TSPAN18: variants seen among roughly 807,000 people sequenced by gnomAD.
The protein encoded by TSPAN18 is tetraspanin 18.
Under a neutral mutation model 27.3 loss-of-function variants are expected in TSPAN18, and 14 were observed. That is an observed-to-expected ratio of 0.51 (90% confidence interval 0.34 to 0.80). TSPAN18 has a LOEUF of 0.80. Ranked by LOEUF, TSPAN18 falls within the 30% of genes least tolerant of loss-of-function variation. TSPAN18 has a pLI of 0.01. For synonymous variants in TSPAN18, 143 were observed against 136.5 expected (o/e 1.05, Z -0.33); for missense variants, 268 against 323.9 (o/e 0.83, Z 1.32).
At chr11:44,906,228 G>C (rs759942844) in intron 3 of TSPAN18, among the ~76,000 whole-genome samples, 179 bp from the exon 4 acceptor site, 3 of 152,226 alleles carry the variant, frequency 2.0e-5, no homozygotes, top group Non-Finnish European at 4.4e-5. Flanking sequence ...ATGAAAGCTA[G>C]AGCCAAGGCT....
chr11:44,819,163 G>A (rs1856874920), intron 2 of TSPAN18, among the ~76,000 whole-genome samples: 2 of 152,170 alleles, frequency 1.3e-5, no homozygotes, highest in South Asian at 4.1e-4. Flanking sequence ...CTTCAGGCGG[G>A]CTCTTCTCTG....
intron 2 of TSPAN18, among the ~76,000 whole-genome samples, chr11:44,766,971 C>T (rs1855582204): frequency 6.6e-6 from 1 of 152,130 alleles, no homozygotes; most frequent in African/African-American, 2.4e-5. Flanking sequence ...ATGGGAAGCC[C>T]CTGTTTGCTT....
chr11:44,896,307 C>G (rs947288077), intron 3 of TSPAN18, among the ~76,000 whole-genome samples: 2 of 152,166 alleles, frequency 1.3e-5, no homozygotes, highest in African/African-American at 4.8e-5. Context: ...AGTTTGGATT[C>G]CAGCCCCATC....
intron 1 of TSPAN18, among the ~76,000 whole-genome samples, chr11:44,728,410 C>G (rs80113215): frequency 0.026 from 3,945 of 152,218 alleles, 67 homozygotes; most frequent in Middle Eastern, 0.044. Flanking sequence ...TGCATGCACC[C>G]TTTTTGTAAA....
At chr11:44,886,978 C>T (rs1223058186) in intron 3 of TSPAN18, among the ~76,000 whole-genome samples, 1 of 152,056 alleles carries the variant, frequency 6.6e-6, no homozygotes, top group East Asian at 1.9e-4. Flanking sequence ...GCCAGAACTC[C>T]AGCTGACTCA....
intron 2 of TSPAN18, among the ~76,000 whole-genome samples, chr11:44,817,269 T>G (rs776853179): frequency 2.6e-5 from 4 of 152,256 alleles, no homozygotes; most frequent in Non-Finnish European, 4.4e-5. Context: ...AAATGGGATT[T>G]ATATTGGTTA....
chr11:44,927,276 C>T (rs989650153), intron 9 of TSPAN18, among the ~76,000 whole-genome samples: 3 of 152,324 alleles, frequency 2.0e-5, no homozygotes, highest in East Asian at 3.9e-4. Flanking sequence ...CACTAGGTGG[C>T]GCCTCAGCCA....
chr11:44,756,078 T>C (rs555230803), intron 1 of TSPAN18, among the ~76,000 whole-genome samples: 275 of 152,232 alleles, frequency 1.8e-3, no homozygotes, highest in African/African-American at 6.2e-3. Context: ...CTCTCTCTCT[T>C]CCTTTGTTCC....
intron 2 of TSPAN18, among the ~76,000 whole-genome samples, chr11:44,770,894 G>A (rs562488330): frequency 1.3e-5 from 2 of 152,148 alleles, no homozygotes; most frequent in African/African-American, 4.8e-5. Context: ...GCCCAAGATG[G>A]AAGAGCCTAG....
intron 2 of TSPAN18, among the ~76,000 whole-genome samples, chr11:44,802,808 G>A (rs1406785271): frequency 6.6e-6 from 1 of 152,088 alleles, no homozygotes; most frequent in South Asian, 2.1e-4. Flanking sequence ...TAATACAAAG[G>A]GCTTTACTAG....
In TSPAN18 at chr11:44,909,782, C is replaced by A; in HGVS notation, c.141C>A (p.Ala47=). The A allele has an allele frequency of 6.2e-7, 1 of 1,614,004 alleles. No homozygotes were observed. Among genetic ancestry groups the A allele is most frequent in the East Asian group, 2.2e-5 (1 of 44,870 alleles). ...DPTGFREIVA[A]NPLLLTGAYI... ...CCGGCTTCCGGGAGATCGTGGCTGCCAATCCTCTGCTCCTCACGGGCGCCT... is the reference window on the plus strand; with the variant it reads ...CCGGCTTCCGGGAGATCGTGGCTGCAAATCCTCTGCTCCTCACGGGCGCCT... The change falls in exon 5 of 10, where the codon GCC becomes GCA. Residue 47 remains alanine, a synonymous_variant. Transcript: ENST00000520358.
At position 44,909,891 on chromosome 11, in the gene TSPAN18, C is replaced by T; in HGVS notation, c.250C>T (p.Leu84=). ...CGAVRENKCL[L]LFFFLFILII... ...GGCCGTCCGTGAGAACAAGTGTCTG[C>T]TGCTATTTGTGAGTACCCCAGCCCC... is the stretch of plus-strand genomic sequence containing the variant. Residue 84 remains leucine, a synonymous_variant, in exon 5 of 10, where the codon CTG becomes TTG. Coordinates refer to ENST00000520358, the MANE Select transcript of TSPAN18 (RefSeq NM_130783.5). 6.2e-7 allele frequency: 1 copy of T among 1,611,638 alleles called. No homozygotes were observed.
chr11:44,756,670 T>A (rs1169433695), intron 1 of TSPAN18, among the ~76,000 whole-genome samples: 1 of 152,238 alleles, frequency 6.6e-6, no homozygotes, highest in East Asian at 1.9e-4. Flanking sequence ...ATGCAGTATT[T>A]GTCTTTTGTG....
intron 9 of TSPAN18, among the ~76,000 whole-genome samples, chr11:44,928,881 C>A (rs1860466057): frequency 6.6e-6 from 1 of 152,122 alleles, no homozygotes; most frequent in Admixed American, 6.5e-5. Context: ...GACAACCCTG[C>A]TATGTCAGGG....
chr11:44,890,170 T>C (rs891265765), intron 3 of TSPAN18, among the ~76,000 whole-genome samples: 3 of 152,198 alleles, frequency 2.0e-5, no homozygotes, highest in Non-Finnish European at 4.4e-5. Flanking sequence ...GAGTGGCAGA[T>C]TGGACTGCTA....
At chr11:44,756,960 A>C (rs1351959599) in intron 1 of TSPAN18, among the ~76,000 whole-genome samples, 1 of 152,170 alleles carries the variant, frequency 6.6e-6, no homozygotes, top group Non-Finnish European at 1.5e-5. Flanking sequence ...TTGGTCTTTC[A>C]CCATTGACTA....
intron 1 of TSPAN18, among the ~76,000 whole-genome samples, chr11:44,737,269 A>G (rs4294546): frequency 0.67 from 102,459 of 152,146 alleles, 37,526 homozygotes; most frequent in Non-Finnish European, 0.84. Context: ...CATGGACCCA[A>G]AGGACAAGCT....
chr11:44,730,279 G>A (rs1280559697), intron 1 of TSPAN18, among the ~76,000 whole-genome samples: 1 of 152,206 alleles, frequency 6.6e-6, no homozygotes, highest in Non-Finnish European at 1.5e-5. Context: ...TTAGTCTGCA[G>A]GCTCGCTCCC....
At chr11:44,888,902 T>C (rs1339310888) in intron 3 of TSPAN18, among the ~76,000 whole-genome samples, 2 of 152,172 alleles carry the variant, frequency 1.3e-5, no homozygotes, top group East Asian at 3.9e-4. Flanking sequence ...GTAATCCCCA[T>C]GTGTCGAGGG....
Sources: gnomAD v4.1 joint callset for allele counts (sites outside exome capture counted in the v4.1 genomes callset) on GRCh38, gnomAD v4.1.1 for gene constraint, MANE v1.5 for transcripts, NCBI Gene and HGNC (gene_info 2026-07-23, HGNC 2026-07-21) for gene names.